The following FBRSL1 variants were observed in gnomAD, a reference collection of about 807,000 sequenced individuals.
FBRSL1 encodes fibrosin like 1.
Under a neutral mutation model 89.6 loss-of-function variants are expected in FBRSL1, and 51 were observed. The observed-to-expected ratio is 0.57, with a 90% confidence interval of 0.45 to 0.72. The LOEUF is 0.72. FBRSL1 is among the 30% of genes least tolerant of loss of function. The pLI is 0.00. For missense variants in FBRSL1, 1,618 were observed against 1,451.8 expected, an observed-to-expected ratio of 1.11 and a Z score of -1.86; for synonymous variants, 779 against 681.1, an observed-to-expected ratio of 1.14 and a Z score of -2.24.
intron 5 of FBRSL1, among the ~76,000 whole-genome samples, chr12:132,555,779 C>T (rs549052600): frequency 6.6e-5 from 10 of 152,208 alleles, no homozygotes; most frequent in South Asian, 2.1e-4. Flanking sequence ...CTCAAAATGA[C>T]GCCAGTCCTC....
intron 15 of FBRSL1, among the ~76,000 whole-genome samples, chr12:132,579,578 T>C (rs928383943): frequency 2.0e-5 from 3 of 152,238 alleles, no homozygotes; most frequent in Non-Finnish European, 2.9e-5. Context: ...CTTTTCTGTG[T>C]AGAAAGTCAT....
At chr12:132,582,409 TTCCCCGTTCCCCC>T (rs1159103443) in intron 18 of FBRSL1, 143 bp downstream of exon 18, 13 of 533,250 alleles carry the variant, frequency 2.4e-5, no homozygotes, top group Non-Finnish European at 3.7e-5. Flanking sequence ...CCTGTTCCCC[TTCCCCGTTCCCCC>T]TCCCCCATTC....
intron 2 of FBRSL1, among the ~76,000 whole-genome samples, chr12:132,523,770 G>A (rs1384739828): frequency 5.9e-5 from 9 of 152,212 alleles, no homozygotes; most frequent in South Asian, 4.1e-4. Flanking sequence ...TTCCTGGAGC[G>A]GGCTGGAAAC....
At chr12:132,517,386 TG>T (rs1458324631) in intron 2 of FBRSL1, among the ~76,000 whole-genome samples, 1 of 152,148 alleles carries the variant, frequency 6.6e-6, no homozygotes, top group Non-Finnish European at 1.5e-5. Context: ...GGGGCGAGCA[TG>T]GCCACCTCTG....
chr12:132,582,628 C>T (rs982758865), intron 18 of FBRSL1, among the ~76,000 whole-genome samples: 1 of 152,178 alleles, frequency 6.6e-6, no homozygotes. Flanking sequence ...ATCCGGGAGA[C>T]CTCCAGGTGG....
chr12:132,579,911 G>A (rs12308589), intron 15 of FBRSL1, among the ~76,000 whole-genome samples: 21,750 of 152,002 alleles, frequency 0.14, 1,624 homozygotes, highest in Middle Eastern at 0.2. Context: ...TTCTGGCATC[G>A]GTTTCAGTAA....
At position 132,583,453 on chromosome 12, in the gene FBRSL1, C is replaced by G; in HGVS notation, c.2684C>G (p.Pro895Arg). 1 of 1,064,896 alleles carries G rather than the reference C, an allele frequency of 9.4e-7. No homozygotes were observed. The highest frequency in any genetic ancestry group is 1.1e-6 in the Non-Finnish European group (1 of 879,564). 66.0% of individuals were successfully genotyped at this position (1,064,896 alleles called of 1,614,324 possible). Residue 895 changes from proline (P) to arginine (R), a missense_variant, in exon 19 of 19, where the codon CCC (proline) becomes CGC (arginine). By Grantham distance (103) the Pro-to-Arg change is moderately radical. Transcript: ENST00000680143. ...YRDREPHGYS[P>R]ERLRGELERA... is the part of the protein sequence containing the mutation. Reference sequence around the variant, plus strand: ...GACCGCGAGCCCCACGGCTACAGCCCCGAGCGCCTGCGCGGGGAGCTGGAG... The same window carrying G: ...GACCGCGAGCCCCACGGCTACAGCCGCGAGCGCCTGCGCGGGGAGCTGGAG...
chr12:132,567,524 A>C lies in FBRSL1; in HGVS notation c.689A>C (p.Lys230Thr), dbSNP rs1398853872. Residue 230 changes from lysine to threonine, a missense_variant and splice_region_variant, in exon 6 of 19, where the codon AAA (lysine) becomes ACA (threonine). By Grantham distance (78) the Lys-to-Thr change is moderately conservative (BLOSUM62 -1). Transcript: ENST00000680143. Reference sequence around the variant, plus strand: ...AAGCTCTTTGCGCCGGGAACCGATAAAGGTAAGTGGGTCCCCTCGGCCCAG... The same window carrying C: ...AAGCTCTTTGCGCCGGGAACCGATACAGGTAAGTGGGTCCCCTCGGCCCAG... ...SEKLFAPGTD[K>T]GPALEKSEAK... The C allele has an allele frequency of 6.4e-7, 1 of 1,550,772 alleles. No homozygotes were observed. Among genetic ancestry groups the C allele is most frequent in the Non-Finnish European group, 8.7e-7 (1 of 1,146,862 alleles).
chr12:132,492,348 C>A (rs1466586242), intron 1 of FBRSL1, among the ~76,000 whole-genome samples: 2 of 152,206 alleles, frequency 1.3e-5, no homozygotes, highest in Non-Finnish European at 2.9e-5. Context: ...CCCCCGTCGA[C>A]GTTGCCCACC....
chr12:132,495,523 C>T (rs556451875), intron 1 of FBRSL1, among the ~76,000 whole-genome samples: 67 of 152,318 alleles, frequency 4.4e-4, no homozygotes, highest in African/African-American at 1.4e-3. Context: ...GGGCAGGCTT[C>T]GGCCCAGGAA....
intron 2 of FBRSL1, among the ~76,000 whole-genome samples, chr12:132,515,411 A>G (rs1297778373): frequency 6.6e-6 from 1 of 152,180 alleles, no homozygotes; most frequent in Non-Finnish European, 1.5e-5. Flanking sequence ...CTAGAAAATA[A>G]GGAATACTAC....
rs573488594 is a variant in FBRSL1 at position 132,528,063 on chromosome 12, G to T, written c.615+75G>T. On this transcript the variant is annotated intron_variant, in intron 4 of 18. Transcript: ENST00000680143. ...GACCAGGTCCCCACCTCACCTGTCC[G>T]AGGCCCCACAACTTAGCTCACCCCA... The T allele has an allele frequency of 1.0e-5, 14 of 1,363,234 alleles. No individual in the cohort carries two copies. The African/African-American group carries it at 1.7e-4, about 17-fold the overall frequency. The allele number at this position is 1,363,234 out of a possible 1,614,324, so 84.4% of individuals were successfully genotyped here. A position where few individuals can be genotyped will look rare whatever the true frequency, so the allele number is the denominator to read the frequency against.
At chr12:132,556,871 G>A (rs560908676) in intron 5 of FBRSL1, among the ~76,000 whole-genome samples, 7 of 148,902 alleles carry the variant, frequency 4.7e-5, no homozygotes, top group South Asian at 2.2e-4. Context: ...CCAAACCCCC[G>A]TCCCGTGGGA....
chr12:132,567,429 A>T (rs921364964), intron 5 of FBRSL1, 52 bp from the exon 6 acceptor site: 12 of 1,532,952 alleles, frequency 7.8e-6, no homozygotes, highest in African/African-American at 2.8e-5. Flanking sequence ...CGCAAGGTCC[A>T]CGAGGATGAG....
chr12:132,582,421 C>T (rs1398859754), intron 18 of FBRSL1, among the ~76,000 whole-genome samples, 155 bp downstream of exon 18: 1 of 150,486 alleles, frequency 6.6e-6, no homozygotes, highest in East Asian at 2.0e-4. Context: ...CCCCGTTCCC[C>T]CTCCCCCATT....
At chr12:132,562,401 G>A (rs962269652) in intron 5 of FBRSL1, among the ~76,000 whole-genome samples, 1 of 152,122 alleles carries the variant, frequency 6.6e-6, no homozygotes. Context: ...CTGGGGTGCC[G>A]GGGTCTCCTA....
At chr12:132,557,036 G>A (rs985037909) in intron 5 of FBRSL1, among the ~76,000 whole-genome samples, 3 of 152,234 alleles carry the variant, frequency 2.0e-5, no homozygotes, top group Admixed American at 2.0e-4. Context: ...GTGGTTTCCA[G>A]GGCGATCCGG....
chr12:132,575,259 G>A (rs1412663404), intron 14 of FBRSL1, among the ~76,000 whole-genome samples: 1 of 152,112 alleles, frequency 6.6e-6, no homozygotes. Context: ...ACGGAGTCTC[G>A]CTCTGTCGCC....
chr12:132,562,877 T>C (rs886658903), intron 5 of FBRSL1, among the ~76,000 whole-genome samples: 6 of 152,082 alleles, frequency 3.9e-5, no homozygotes, highest in African/African-American at 1.5e-4. Flanking sequence ...CCACACCTGG[T>C]CTTCTCTGAT....
Sources: allele counts gnomAD v4.1 joint callset (sites outside exome capture counted in the v4.1 genomes callset), GRCh38; gene constraint gnomAD v4.1.1; transcripts MANE v1.5; gene names NCBI Gene and HGNC (gene_info 2026-07-23, HGNC 2026-07-21).